Variants in RPA1 observed in about 807,000 individuals in gnomAD.
The protein encoded by RPA1 is replication protein A 70 kDa DNA-binding subunit.
RPA1 carries 49 observed loss-of-function variants against 83.0 expected under a neutral mutation model. The observed-to-expected ratio is 0.59, with a 90% CI of 0.47 to 0.75. The LOEUF is 0.75. Among genes scored for constraint, RPA1 ranks in the 30% least tolerant of loss-of-function variants. The pLI, the probability that RPA1 is intolerant of heterozygous loss-of-function variation, is 0.00. For missense variants in RPA1, 693 were observed against 776.1 expected, an observed-to-expected ratio of 0.89 and a Z score of 1.27; for synonymous variants, 279 against 281.8, an observed-to-expected ratio of 0.99 and a Z score of 0.10.
intron 13 of RPA1, among the ~76,000 whole-genome samples, chr17:1,885,062 G>A (rs1012479867): frequency 6.6e-6 from 1 of 152,128 alleles, no homozygotes; most frequent in Admixed American, 6.6e-5. Context: ...GATGCTGTTT[G>A]ACAGCATTTT....
intron 5 of RPA1, among the ~76,000 whole-genome samples, chr17:1,855,262 A>T (rs1051218143): frequency 1.3e-5 from 2 of 152,108 alleles, no homozygotes; most frequent in African/African-American, 4.8e-5. Flanking sequence ...TCCCGGGTTC[A>T]AGTGATTCTC....
chr17:1,883,705 G>C, intron 12 of RPA1, 107 bp from the exon 13 acceptor site: 1 of 1,440,356 alleles, frequency 6.9e-7, no homozygotes, highest in Non-Finnish European at 9.7e-7. Flanking sequence ...TGAAAGCTGG[G>C]CGGGTGGTGG....
chr17:1,859,979 AT>A (rs905630256), intron 5 of RPA1, among the ~76,000 whole-genome samples: 1 of 151,822 alleles, frequency 6.6e-6, no homozygotes, highest in Non-Finnish European at 1.5e-5. Flanking sequence ...TGCTCAGCTG[AT>A]TTTTGTATTT....
intron 1 of RPA1, among the ~76,000 whole-genome samples, chr17:1,835,292 G>T (rs749220443): frequency 9.2e-5 from 14 of 151,880 alleles, no homozygotes; most frequent in African/African-American, 3.4e-4. Context: ...GGGAGTACAG[G>T]TGCATGCCAC....
At chr17:1,892,440 C>T (rs1051848760) in intron 15 of RPA1, among the ~76,000 whole-genome samples, 2 of 152,158 alleles carry the variant, frequency 1.3e-5, no homozygotes, top group Non-Finnish European at 2.9e-5. Context: ...TTGGGATGTG[C>T]TTAACAGTGA....
intron 5 of RPA1, among the ~76,000 whole-genome samples, chr17:1,871,417 A>G (rs752731665): frequency 4.6e-5 from 7 of 152,168 alleles, no homozygotes; most frequent in Admixed American, 6.5e-5. Flanking sequence ...CGCAGCAGGA[A>G]TGCGAACTCA....
At chr17:1,833,201 A>G (rs1009448012) in intron 1 of RPA1, among the ~76,000 whole-genome samples, 45 of 152,362 alleles carry the variant, frequency 3.0e-4, no homozygotes, top group African/African-American at 1.0e-3. Flanking sequence ...CTGGGATCAC[A>G]GGCTTGAGCC....
At chr17:1,881,347 G>T (rs971706082) in intron 12 of RPA1, among the ~76,000 whole-genome samples, 2 of 152,166 alleles carry the variant, frequency 1.3e-5, no homozygotes, top group African/African-American at 2.4e-5. Flanking sequence ...TAGTCTATGG[G>T]GGGGAAGTGT....
At chr17:1,834,344 A>G (rs927709406) in intron 1 of RPA1, among the ~76,000 whole-genome samples, 1 of 152,222 alleles carries the variant, frequency 6.6e-6, no homozygotes, top group South Asian at 2.1e-4. Flanking sequence ...GATGTGAGCC[A>G]CTGCACCTGG....
chr17:1,896,920 G>A, intron 16 of RPA1, 151 bp from the exon 17 acceptor site: 1 of 688,944 alleles, frequency 1.5e-6, no homozygotes, highest in South Asian at 1.7e-5. Context: ...CAGACATTCA[G>A]GAGGAGGCTG....
At chr17:1,895,659 G>GTATTATTTATTCATT (rs149258342) in intron 16 of RPA1, among the ~76,000 whole-genome samples, 1 of 141,752 alleles carries the variant, frequency 7.1e-6, no homozygotes, top group East Asian at 2.1e-4. Flanking sequence ...ATACCATATA[G>GTATTATTTATTCATT]TATTTATTTA....
At chr17:1,887,356 G>A (rs1234836983) in intron 13 of RPA1, among the ~76,000 whole-genome samples, 2 of 151,884 alleles carry the variant, frequency 1.3e-5, no homozygotes, top group Admixed American at 6.6e-5. Flanking sequence ...TCAGGAGATC[G>A]AGACCATCCT....
chr17:1,883,702 T>C (rs974245982), intron 12 of RPA1, 110 bp from the exon 13 acceptor site: 1 of 1,410,428 alleles, frequency 7.1e-7, no homozygotes, highest in Non-Finnish European at 9.9e-7. Context: ...GTGTGAAAGC[T>C]GGGCGGGTGG....
At chr17:1,883,454 C>A (rs1225830237) in intron 12 of RPA1, among the ~76,000 whole-genome samples, 1 of 152,070 alleles carries the variant, frequency 6.6e-6, no homozygotes, top group African/African-American at 2.4e-5. Flanking sequence ...AGCCACTGCG[C>A]CCAGCCTAAA....
chr17:1,843,846 C>T (rs80029882), intron 2 of RPA1, 74 bp from the exon 3 acceptor site: 16 of 1,218,766 alleles, frequency 1.3e-5, no homozygotes, highest in Admixed American at 3.6e-5. Context: ...AACCCACTCT[C>T]CTGCCACTTC....
At chr17:1,849,767 C>T (rs1440507528) in intron 4 of RPA1, among the ~76,000 whole-genome samples, 2 of 151,698 alleles carry the variant, frequency 1.3e-5, no homozygotes, top group Non-Finnish European at 1.5e-5. Flanking sequence ...CGCAGTTTAC[C>T]AGGTGCAGGT....
intron 5 of RPA1, among the ~76,000 whole-genome samples, chr17:1,865,055 G>C (rs780474730): frequency 6.6e-6 from 1 of 152,198 alleles, no homozygotes; most frequent in Non-Finnish European, 1.5e-5. Context: ...GGAAAGGAAA[G>C]GAAAGTTGGA....
chr17:1,886,880 G>A (rs969102381), intron 13 of RPA1, among the ~76,000 whole-genome samples: 5 of 151,852 alleles, frequency 3.3e-5, no homozygotes, highest in African/African-American at 1.2e-4. Context: ...GGCTGGTATC[G>A]AACTCCTTGG....
intron 4 of RPA1, among the ~76,000 whole-genome samples, chr17:1,848,321 A>G (rs1464718432): frequency 2.0e-5 from 3 of 151,772 alleles, no homozygotes. Flanking sequence ...ATTTTAAAGA[A>G]TAATTATCAG....
Sources: allele counts gnomAD v4.1 joint callset (sites outside exome capture counted in the v4.1 genomes callset), GRCh38; gene constraint gnomAD v4.1.1; transcripts MANE v1.5; gene names NCBI Gene and HGNC (gene_info 2026-07-23, HGNC 2026-07-21).